Variants in ITPRID1 observed in about 807,000 individuals in gnomAD.
ITPRID1 encodes the protein protein ITPRID1.
In ITPRID1, 96 loss-of-function variants were observed where a neutral mutation model predicts 95.4. The observed-to-expected ratio is 1.01, with a 90% CI of 0.85 to 1.19. The LOEUF is 1.19. ITPRID1 is among the 50% of genes most tolerant of loss of function. The probability of loss-of-function intolerance (pLI) is 0.00; values close to 1 mark genes in which losing one functional copy is unlikely to be tolerated. For missense variants in ITPRID1, 1,339 were observed against 1,252.9 expected, an observed-to-expected ratio of 1.07 and a Z score of -1.04; for synonymous variants, 510 against 453.6, an observed-to-expected ratio of 1.12 and a Z score of -1.58.
rs141301258 is a variant in ITPRID1 at position 31,654,797 on chromosome 7, A to C, written c.*1968A>C. Among the ~76,000 whole-genome samples the C allele has an allele frequency of 6.6e-4, 101 of 152,278 alleles. 1 individual carries two copies. Among genetic ancestry groups the C allele is most frequent in the African/African-American group, 2.3e-3 (97 of 41,552 alleles). On this transcript the variant is annotated 3_prime_UTR_variant, in exon 15 of 15. Coordinates refer to ENST00000615280, the MANE Select transcript of ITPRID1 (RefSeq NM_001257967.3). ...TTGTATGAAAAGATGGTCAAAGGAG[A>C]GGTCACTTCTTAGCAAGTAACCTCA...
intron 10 of ITPRID1, among the ~76,000 whole-genome samples, chr7:31,639,543 T>TTTG (rs1789823589): frequency 7.9e-5 from 4 of 50,512 alleles, no homozygotes; most frequent in South Asian, 6.4e-4. Flanking sequence ...TTTTTGTTTT[T>TTTG]TTTTTTTTTT....
intron 1 of ITPRID1, among the ~76,000 whole-genome samples, chr7:31,540,698 A>C (rs1040430731): frequency 9.2e-5 from 14 of 152,208 alleles, no homozygotes; most frequent in African/African-American, 3.1e-4. Context: ...CTGAGATAAG[A>C]CCTTTTTAAA....
intron 1 of ITPRID1, among the ~76,000 whole-genome samples, chr7:31,524,351 C>G (rs1783358358): frequency 6.6e-6 from 1 of 152,194 alleles, no homozygotes; most frequent in African/African-American, 2.4e-5. Context: ...TCCCAGCTGC[C>G]TGGAGTGTCT....
rs1784391763 is a variant in ITPRID1, at chr7:31,554,666, T to TA, written c.212+148dup. The stretch of plus-strand genomic sequence containing the variant: ...TACGTGAAGTATTATTCTATTATTG[T>TA]AAAAACTATGTATCAGTTTAAAACT... On this transcript the variant is annotated intron_variant, in intron 4 of 14. Transcript: ENST00000615280. 4.4e-6 allele frequency: 5 copies of TA among 1,146,200 alleles called. No homozygotes were observed. In the East Asian group the frequency reaches 1.3e-4, roughly 29 times the overall value. The allele number at this position is 1,146,200 out of a possible 1,614,324, so 71.0% of individuals were successfully genotyped here. A position where few individuals can be genotyped will look rare whatever the true frequency, so the allele number is the denominator to read the frequency against.
At chr7:31,568,122 G>GAAA (rs35092042) in intron 5 of ITPRID1, among the ~76,000 whole-genome samples, 2 of 144,080 alleles carry the variant, frequency 1.4e-5, no homozygotes, top group South Asian at 2.2e-4. Context: ...CGAACTGTCT[G>GAAA]AAAAAAAAAA....
intron 11 of ITPRID1, 53 bp downstream of exon 11, chr7:31,642,311 G>A (rs1255044922): frequency 8.0e-7 from 1 of 1,252,540 alleles, no homozygotes; most frequent in Non-Finnish European, 1.1e-6. Context: ...TCCCACTTCA[G>A]CCCTATCAAC....
At chr7:31,616,550 C>T (rs1787249094) in intron 10 of ITPRID1, among the ~76,000 whole-genome samples, 1 of 152,156 alleles carries the variant, frequency 6.6e-6, no homozygotes, top group South Asian at 2.1e-4. Flanking sequence ...TCAACACATC[C>T]CTCCACCCAC....
intron 1 of ITPRID1, chr7:31,518,156 G>C (rs1452610254): frequency 6.6e-6 from 1 of 152,330 alleles, no homozygotes; most frequent in Non-Finnish European, 1.5e-5. Context: ...AGTCAGGAGA[G>C]TTGATGCTAC....
intron 5 of ITPRID1, among the ~76,000 whole-genome samples, chr7:31,558,551 A>C (rs116971399): frequency 6.6e-6 from 1 of 152,174 alleles, no homozygotes; most frequent in African/African-American, 2.4e-5. Flanking sequence ...AAGGGTATAA[A>C]CTTGCAGTTA....
chr7:31,644,870 C>G (rs1167036597), intron 12 of ITPRID1, among the ~76,000 whole-genome samples: 1 of 152,192 alleles, frequency 6.6e-6, no homozygotes, highest in Non-Finnish European at 1.5e-5. Flanking sequence ...TGAAGTGGAA[C>G]CACGATTTAC....
chr7:31,552,618 C>T (rs747076203), intron 2 of ITPRID1, among the ~76,000 whole-genome samples: 8 of 152,078 alleles, frequency 5.3e-5, no homozygotes, highest in Non-Finnish European at 7.4e-5. Flanking sequence ...TTTTCTCCAA[C>T]ATTTGGGCCT....
At chr7:31,524,548 T>C (rs1251500465) in intron 1 of ITPRID1, among the ~76,000 whole-genome samples, 1 of 152,212 alleles carries the variant, frequency 6.6e-6, no homozygotes. Flanking sequence ...AACATGTTCA[T>C]TGTTAAAAGG....
chr7:31,655,438 G>A lies in ITPRID1; in HGVS notation c.*2609G>A, dbSNP rs1791253371. Among the ~76,000 whole-genome samples the A allele has an allele frequency of 1.7e-4, 26 of 152,188 alleles. No individual in the cohort carries two copies. Among genetic ancestry groups the A allele is most frequent in the Admixed American group, 1.7e-3 (26 of 15,276 alleles). On this transcript the variant is annotated 3_prime_UTR_variant, in exon 15 of 15. Transcript: ENST00000615280. ...CCTCCAGCCACCTTCTCTCCAAACT[G>A]CACTGGCCTCTGCCAGGTTGGGCTC...
chr7:31,647,910 A>C (rs990645710), intron 12 of ITPRID1, among the ~76,000 whole-genome samples: 1 of 152,086 alleles, frequency 6.6e-6, no homozygotes, highest in African/African-American at 2.4e-5. Context: ...TAGGGTAATG[A>C]TTTGTTGATA....
intron 7 of ITPRID1, among the ~76,000 whole-genome samples, chr7:31,572,531 T>C (rs548312221): frequency 6.6e-6 from 1 of 152,154 alleles, no homozygotes; most frequent in East Asian, 1.9e-4. Context: ...TGCAGGAAGG[T>C]ATATAGAGTA....
chr7:31,569,686 AT>A, intron 5 of ITPRID1, 71 bp from the exon 6 acceptor site: 1 of 1,364,000 alleles, frequency 7.3e-7, no homozygotes. Context: ...CCTTGGTTTC[AT>A]TTGGGGTTGA....
At chr7:31,638,500 C>T (rs1031898823) in intron 10 of ITPRID1, among the ~76,000 whole-genome samples, 3 of 152,288 alleles carry the variant, frequency 2.0e-5, no homozygotes, top group South Asian at 4.1e-4. Context: ...ATAAATCCCA[C>T]ACGACATTGT....
At chr7:31,556,226 T>C (rs981405425) in intron 5 of ITPRID1, among the ~76,000 whole-genome samples, 2 of 152,184 alleles carry the variant, frequency 1.3e-5, no homozygotes. Context: ...AAAATTGGGA[T>C]AGTGATATGG....
intron 10 of ITPRID1, among the ~76,000 whole-genome samples, chr7:31,629,463 G>A (rs886430790): frequency 6.6e-6 from 1 of 152,142 alleles, no homozygotes; most frequent in African/African-American, 2.4e-5. Flanking sequence ...TGTAGGGAGG[G>A]GGAATAGAAA....
Sources: allele counts gnomAD v4.1 joint callset (sites outside exome capture counted in the v4.1 genomes callset), GRCh38; gene constraint gnomAD v4.1.1; transcripts MANE v1.5; gene names NCBI Gene and HGNC (gene_info 2026-07-23, HGNC 2026-07-21).